APBB2: variants seen among roughly 807,000 people sequenced by gnomAD.
APBB2 encodes Fe65-like 1.
Under a neutral mutation model 82.5 loss-of-function variants are expected in APBB2, and 38 were observed. The ratio of observed to expected loss-of-function variants is 0.46; its 90% CI spans 0.36 to 0.60. APBB2 has a LOEUF of 0.60. APBB2 is among the 20% of genes least tolerant of loss of function. APBB2 has a pLI of 0.00. For synonymous variants in APBB2, 341 were observed against 368.2 expected (o/e 0.93, Z 0.85); for missense variants, 772 against 972.3 (o/e 0.79, Z 2.74).
chr4:41,204,193 G>C (rs1205804542), intron 1 of APBB2, among the ~76,000 whole-genome samples: 2 of 152,238 alleles, frequency 1.3e-5, no homozygotes, highest in Admixed American at 1.3e-4. Flanking sequence ...ATGGAAAGCA[G>C]ATCATGAAAT....
chr4:40,935,711 A>T (rs1472870319), intron 7 of APBB2: 1 of 151,916 alleles, frequency 6.6e-6, no homozygotes, highest in African/African-American at 2.4e-5. Context: ...CCTAACAAAA[A>T]ACAACTCTAA....
At chr4:41,035,842 G>A (rs960638989) in intron 4 of APBB2, among the ~76,000 whole-genome samples, 17 of 151,888 alleles carry the variant, frequency 1.1e-4, no homozygotes, top group African/African-American at 4.1e-4. Flanking sequence ...CATTTATATT[G>A]TATTAAGTAT....
intron 12 of APBB2, among the ~76,000 whole-genome samples, chr4:40,886,207 A>T (rs1770205561): frequency 1.3e-5 from 2 of 152,330 alleles, no homozygotes; most frequent in South Asian, 2.1e-4. Context: ...GGCTGGGCGC[A>T]GTGGCCCACG....
intron 3 of APBB2, among the ~76,000 whole-genome samples, chr4:41,083,947 G>A (rs563971547): frequency 3.3e-5 from 5 of 152,050 alleles, no homozygotes; most frequent in Non-Finnish European, 7.4e-5. Context: ...GCTGCAAAAT[G>A]TCAGTGATTG....
intron 5 of APBB2, among the ~76,000 whole-genome samples, chr4:41,031,437 C>T (rs893119184): frequency 6.6e-6 from 1 of 152,108 alleles, no homozygotes; most frequent in Non-Finnish European, 1.5e-5. Flanking sequence ...ACTAGGAATA[C>T]CTCTTTCCCT....
At position 40,944,921 on chromosome 4, in the gene APBB2, C is replaced by T; in HGVS notation, c.988G>A (p.Gly330Ser). The T allele has an allele frequency of 6.2e-7, 1 of 1,613,666 alleles. No individual in the cohort carries two copies. The highest frequency in any genetic ancestry group is 1.1e-5 in the South Asian group (1 of 91,048). ...RPVSIPADLQ[G>S]SRKGSLSSVT... is the part of the protein sequence containing the mutation. ...GAACTAAGTGACCCTTTCCTAGAAC[C>T]CTGGAGATCTGCTGGGATGGAGACG... Residue 330 changes from glycine to serine, a missense_variant, in exon 7 of 18, where the codon GGT (glycine) becomes AGT (serine). Physicochemically the swap from Gly to Ser is moderately conservative, Grantham distance 56 (BLOSUM62 0). Transcript: ENST00000508593.
rs1441223479 is a variant in APBB2 at position 40,975,789 on chromosome 4, C to CACA, written c.836-30717_836-30716insTGT. ...ACACACACACACACACACACACACA[C>CACA]AACAACCACTCTACTTTCCCCTATA... On this transcript the variant is annotated intron_variant, in intron 6 of 17. Coordinates refer to ENST00000508593, the MANE Select transcript of APBB2 (RefSeq NM_004307.2). 5.5e-3 allele frequency among the ~76,000 whole-genome samples: 818 copies of CACA among 147,818 alleles called. 6 individuals carry two copies. The highest frequency in any genetic ancestry group is 0.019 in the African/African-American group (758 of 40,532).
rs756462494 is a variant in APBB2, at chr4:40,823,769, G to A, written c.1817-10C>T. On this transcript the variant is annotated splice_polypyrimidine_tract_variant and intron_variant, in intron 15 of 17. Coordinates refer to ENST00000508593, the MANE Select transcript of APBB2 (RefSeq NM_004307.2). ...TTCAAAATATCCATTCCTGGGGACA[G>A]AAAAGGATAATTTAAAGTGTCCTAA... 8 of 1,594,558 alleles carry A rather than the reference G, an allele frequency of 5.0e-6. No homozygotes were observed. The highest frequency in any genetic ancestry group is 4.4e-5 in the South Asian group (4 of 90,690).
intron 6 of APBB2, among the ~76,000 whole-genome samples, chr4:41,003,909 C>T (rs1186025869): frequency 1.3e-5 from 2 of 152,150 alleles, no homozygotes; most frequent in African/African-American, 2.4e-5. Context: ...GACAGGGTTT[C>T]ACCATGTTGG....
chr4:40,986,653 C>T (rs550613493), intron 6 of APBB2, among the ~76,000 whole-genome samples: 29 of 152,318 alleles, frequency 1.9e-4, no homozygotes, highest in African/African-American at 6.5e-4. Context: ...CTGACTTACT[C>T]CATTCAAGAG....
At chr4:41,201,074 C>A (rs11721654) in intron 1 of APBB2, among the ~76,000 whole-genome samples, 15,602 of 152,142 alleles carry the variant, frequency 0.1, 1,178 homozygotes, top group African/African-American at 0.22. Context: ...ATAATCCATG[C>A]AGTGCATTCA....
chr4:41,103,636 G>GA (rs879462822), intron 2 of APBB2, among the ~76,000 whole-genome samples: 12 of 150,388 alleles, frequency 8.0e-5, no homozygotes, highest in African/African-American at 1.5e-4. Context: ...AGACTAGAAA[G>GA]AAAAAAAAAG....
chr4:40,857,081 C>A, intron 12 of APBB2: 1 of 985,542 alleles, frequency 1.0e-6, no homozygotes, highest in Non-Finnish European at 1.2e-6. Context: ...GGTGCTACGA[C>A]AAGCCCCAGG....
At chr4:40,907,334 AATTTAATATATT>A (rs1175163783) in intron 10 of APBB2, among the ~76,000 whole-genome samples, 37 of 132,138 alleles carry the variant, frequency 2.8e-4, no homozygotes, top group African/African-American at 1.0e-3. Flanking sequence ...TATTTAATTT[AATTTAATATATT>A]ACATATATAT....
intron 10 of APBB2, among the ~76,000 whole-genome samples, chr4:40,904,292 G>A (rs1299029504): frequency 3.9e-5 from 6 of 152,120 alleles, no homozygotes; most frequent in Non-Finnish European, 8.8e-5. Flanking sequence ...TTAGCCGGGC[G>A]TGGTGGCACA....
chr4:40,926,620 T>C (rs1782673873), intron 10 of APBB2, among the ~76,000 whole-genome samples: 1 of 152,088 alleles, frequency 6.6e-6, no homozygotes, highest in East Asian at 1.9e-4. Context: ...CCCAGCTAAT[T>C]TTTGTGTCTT....
chr4:40,926,523 G>A (rs1782645949), intron 10 of APBB2, among the ~76,000 whole-genome samples: 1 of 151,748 alleles, frequency 6.6e-6, no homozygotes, highest in South Asian at 2.1e-4. Flanking sequence ...TTGGTTCACT[G>A]CAACCTCTGC....
chr4:40,831,974 G>C (rs1258705715), intron 12 of APBB2, among the ~76,000 whole-genome samples: 4 of 149,052 alleles, frequency 2.7e-5, no homozygotes, highest in African/African-American at 9.9e-5. Context: ...AAAGATGAAA[G>C]TGTTTTTACA....
chr4:41,041,676 A>C (rs1255624840), intron 4 of APBB2, among the ~76,000 whole-genome samples: 1 of 152,200 alleles, frequency 6.6e-6, no homozygotes, highest in African/African-American at 2.4e-5. Context: ...TATCTTTCGC[A>C]AAAATACTTA....
Sources: gnomAD v4.1 joint callset for allele counts (sites outside exome capture counted in the v4.1 genomes callset) on GRCh38, gnomAD v4.1.1 for gene constraint, MANE v1.5 for transcripts, NCBI Gene and HGNC (gene_info 2026-07-23, HGNC 2026-07-21) for gene names.